The following ST6GAL1 variants were observed in gnomAD, a reference collection of about 807,000 sequenced individuals.
ST6GAL1 encodes beta-galactoside alpha-2,6-sialyltransferase 1.
ST6GAL1 carries 20 observed loss-of-function variants against 38.0 expected under a neutral mutation model. The ratio of observed to expected loss-of-function variants is 0.53; its 90% confidence interval spans 0.37 to 0.77. The LOEUF (loss-of-function observed/expected upper bound fraction) is 0.77. Among genes scored for constraint, ST6GAL1 ranks in the 30% least tolerant of loss-of-function variants. The probability of loss-of-function intolerance (pLI) is 0.00; values close to 1 mark genes in which losing one functional copy is unlikely to be tolerated. For missense variants in ST6GAL1, 432 were observed against 496.4 expected (o/e 0.87, Z 1.23); for synonymous variants, 196 against 188.2 (o/e 1.04, Z -0.34).
rs537969086 is a variant in ST6GAL1 at position 186,958,857 on chromosome 3, G to A, written c.-324-4928G>A. On this transcript the variant is annotated intron_variant, in intron 1 of 7. Transcript: ENST00000169298. ...AATCCCAGCTACTCGGGAGGCTGAG[G>A]CAGGAGAATCGCTTGAACGTGGGAG... is the stretch of plus-strand genomic sequence containing the variant. Among the ~76,000 whole-genome samples, 189 of 151,758 alleles carry A rather than the reference G, an allele frequency of 1.2e-3. 3 individuals carry two copies. Among genetic ancestry groups the A allele is most frequent in the African/African-American group, 4.3e-3 (179 of 41,350 alleles).
chr3:187,003,637 T>G (rs1716692313), intron 2 of ST6GAL1, among the ~76,000 whole-genome samples: 1 of 152,254 alleles, frequency 6.6e-6, no homozygotes, highest in Admixed American at 6.5e-5. Context: ...GATACTTTGC[T>G]ACTGTAAACA....
chr3:187,014,636 A>C (rs552908557), intron 2 of ST6GAL1, among the ~76,000 whole-genome samples: 1 of 152,112 alleles, frequency 6.6e-6, no homozygotes, highest in African/African-American at 2.4e-5. Context: ...GGACTTGCTT[A>C]TGGGTTGTGG....
chr3:186,999,414 T>TC (rs773084200), intron 2 of ST6GAL1, among the ~76,000 whole-genome samples: 4 of 5,212 alleles, frequency 7.7e-4, no homozygotes, highest in Non-Finnish European at 2.2e-3. Flanking sequence ...CTATAATCTC[T>TC]TTTTTTTTTT....
chr3:187,061,989 T>G (rs968247987), intron 5 of ST6GAL1, among the ~76,000 whole-genome samples: 1 of 152,186 alleles, frequency 6.6e-6, no homozygotes, highest in South Asian at 2.1e-4. Flanking sequence ...AAGGGATTAA[T>G]GTACAGAATA....
intron 2 of ST6GAL1, among the ~76,000 whole-genome samples, chr3:186,989,040 T>G (rs898097914): frequency 6.6e-6 from 1 of 152,192 alleles, no homozygotes; most frequent in Non-Finnish European, 1.5e-5. Context: ...ACTTTCAGTA[T>G]TTGCATCGTA....
intron 5 of ST6GAL1, 98 bp from the exon 6 acceptor site, chr3:187,072,751 G>A: frequency 9.7e-7 from 1 of 1,036,166 alleles, no homozygotes; most frequent in South Asian, 1.3e-5. Context: ...TGGGGCTCTG[G>A]GGCCTCAGGC....
At chr3:187,048,423 G>A (rs1330895285) in intron 4 of ST6GAL1, among the ~76,000 whole-genome samples, 6 of 152,096 alleles carry the variant, frequency 3.9e-5, no homozygotes. Flanking sequence ...CCTCTGACTG[G>A]TGGACTTCTC....
At chr3:187,045,937 T>G (rs913060405) in intron 4 of ST6GAL1, among the ~76,000 whole-genome samples, 1 of 152,022 alleles carries the variant, frequency 6.6e-6, no homozygotes, top group Non-Finnish European at 1.5e-5. Context: ...TGAAGATGGG[T>G]GAGGAACGAG....
chr3:186,941,605 G>C (rs992326448), intron 1 of ST6GAL1, among the ~76,000 whole-genome samples: 3 of 152,094 alleles, frequency 2.0e-5, no homozygotes, highest in Non-Finnish European at 2.9e-5. Flanking sequence ...GGTGAGGAGG[G>C]GAAAGAGTTG....
intron 5 of ST6GAL1, among the ~76,000 whole-genome samples, chr3:187,063,277 G>A (rs188112742): frequency 2.4e-4 from 37 of 152,330 alleles, no homozygotes; most frequent in African/African-American, 8.9e-4. Flanking sequence ...AGGGAAGAAG[G>A]TGCGAGTGGT....
intron 2 of ST6GAL1, among the ~76,000 whole-genome samples, chr3:187,020,883 T>C (rs1717271974): frequency 6.6e-6 from 1 of 152,068 alleles, no homozygotes; most frequent in African/African-American, 2.4e-5. Flanking sequence ...ACATGGAAGG[T>C]AACTGGTAGT....
intron 1 of ST6GAL1, among the ~76,000 whole-genome samples, chr3:186,949,616 C>T (rs1714508391): frequency 6.6e-6 from 1 of 152,232 alleles, no homozygotes; most frequent in Non-Finnish European, 1.5e-5. Context: ...CAGCCAGATC[C>T]AGTGACTCAC....
At chr3:186,999,377 C>T (rs561351833) in intron 2 of ST6GAL1, among the ~76,000 whole-genome samples, 3 of 151,240 alleles carry the variant, frequency 2.0e-5, no homozygotes, top group East Asian at 3.9e-4. Flanking sequence ...GAAGTAGGCC[C>T]GGATTTGTCG....
intron 2 of ST6GAL1, among the ~76,000 whole-genome samples, chr3:186,995,909 A>C (rs1263471354): frequency 6.6e-6 from 1 of 152,100 alleles, no homozygotes; most frequent in East Asian, 1.9e-4. Flanking sequence ...GGGGACACTG[A>C]TTTGAAATAT....
chr3:187,033,041 A>T (rs993020988), intron 2 of ST6GAL1, among the ~76,000 whole-genome samples: 3 of 152,272 alleles, frequency 2.0e-5, no homozygotes, highest in Non-Finnish European at 2.9e-5. Flanking sequence ...CACCAAGTTG[A>T]TACACAAGGT....
chr3:186,970,775 T>G (rs1293521438), intron 2 of ST6GAL1, among the ~76,000 whole-genome samples: 1 of 152,210 alleles, frequency 6.6e-6, no homozygotes, highest in Non-Finnish European at 1.5e-5. Context: ...TTCCATGGTA[T>G]GCATGTATCA....
chr3:187,015,831 C>G (rs1328696012), intron 2 of ST6GAL1, among the ~76,000 whole-genome samples: 4 of 152,020 alleles, frequency 2.6e-5, no homozygotes, highest in African/African-American at 9.7e-5. Context: ...ACAGTGACAA[C>G]TTGTCTCAGG....
chr3:187,071,577 G>A lies in ST6GAL1; in HGVS notation c.706-1272G>A, dbSNP rs548765283. ...ATCCTGGCTAACAAGGTGAAACCCC[G>A]TCTCTACTAAAAATACAAAAAAACC... On this transcript the variant is annotated intron_variant, in intron 5 of 7. Coordinates refer to ENST00000169298, the MANE Select transcript of ST6GAL1 (RefSeq NM_173216.2). 5.3e-5 allele frequency among the ~76,000 whole-genome samples: 8 copies of A among 151,670 alleles called. No individual in the cohort carries two copies. In the East Asian group the frequency reaches 1.4e-3, roughly 26 times the overall value.
At chr3:186,970,804 A>G (rs1033111749) in intron 2 of ST6GAL1, among the ~76,000 whole-genome samples, 1 of 152,170 alleles carries the variant, frequency 6.6e-6, no homozygotes, top group Non-Finnish European at 1.5e-5. Flanking sequence ...TTGTTTGCCT[A>G]TGGAAGGGCA....
Sources: allele counts gnomAD v4.1 joint callset (sites outside exome capture counted in the v4.1 genomes callset), GRCh38; gene constraint gnomAD v4.1.1; transcripts MANE v1.5; gene names NCBI Gene and HGNC (gene_info 2026-07-23, HGNC 2026-07-21).